R3HDM1: variants seen among roughly 807,000 people sequenced by gnomAD.
R3HDM1 encodes the protein R3H domain-containing protein 1.
A neutral mutation model predicts 141.1 loss-of-function variants in R3HDM1; 46 were observed. That is an observed-to-expected ratio of 0.33 (90% CI 0.26 to 0.42). R3HDM1 has a LOEUF of 0.42. Among genes scored for constraint, R3HDM1 ranks in the 10% least tolerant of loss-of-function variants. The pLI is 1.00. For synonymous variants in R3HDM1, 435 were observed against 472.9 expected, an observed-to-expected ratio of 0.92 and a Z score of 1.04; for missense variants, 1,184 against 1,368.3, an observed-to-expected ratio of 0.87 and a Z score of 2.12.
chr2:135,585,152 C>G (rs992702080), intron 1 of R3HDM1, among the ~76,000 whole-genome samples: 1 of 152,158 alleles, frequency 6.6e-6, no homozygotes. Flanking sequence ...TGTTAGCTGC[C>G]TCATCACCTT....
At chr2:135,541,343 G>C (rs1428348879) in intron 1 of R3HDM1, among the ~76,000 whole-genome samples, 1 of 152,066 alleles carries the variant, frequency 6.6e-6, no homozygotes, top group East Asian at 1.9e-4. Flanking sequence ...GAGTAGCTGG[G>C]ACTACAGGCG....
chr2:135,666,921 T>TA (rs59959578), intron 19 of R3HDM1: 5,552 of 182,092 alleles, frequency 0.03, 10 homozygotes, highest in Non-Finnish European at 0.046. Flanking sequence ...GGCTCATCTT[T>TA]AAAAAAAAAA....
At chr2:135,714,788 C>CAG (rs1158127816) in intron 23 of R3HDM1, among the ~76,000 whole-genome samples, 7 of 150,810 alleles carry the variant, frequency 4.6e-5, no homozygotes, top group Non-Finnish European at 8.9e-5. Context: ...CACACACACA[C>CAG]ACAGAGAAAG....
intron 1 of R3HDM1, among the ~76,000 whole-genome samples, chr2:135,547,111 C>T (rs768004382): frequency 7.6e-4 from 115 of 152,166 alleles, no homozygotes; most frequent in Non-Finnish European, 1.2e-3. Flanking sequence ...AGACACCTAT[C>T]ATATTGTTCA....
intron 21 of R3HDM1, among the ~76,000 whole-genome samples, chr2:135,706,951 C>T (rs1461372931): frequency 6.6e-6 from 1 of 151,908 alleles, no homozygotes; most frequent in African/African-American, 2.4e-5. Flanking sequence ...CCAGTAGGGG[C>T]GGCCGGGCAG....
At chr2:135,657,274 G>A (rs988404606) in intron 18 of R3HDM1, among the ~76,000 whole-genome samples, 1 of 151,718 alleles carries the variant, frequency 6.6e-6, no homozygotes, top group African/African-American at 2.4e-5. Context: ...AGCCAGGTGT[G>A]GTGGCGGGCA....
At chr2:135,609,489 C>T (rs537889805) in intron 3 of R3HDM1, among the ~76,000 whole-genome samples, 1 of 152,292 alleles carries the variant, frequency 6.6e-6, no homozygotes, top group South Asian at 2.1e-4. Flanking sequence ...AATTTTTCTG[C>T]TGCCACACAC....
intron 1 of R3HDM1, chr2:135,536,479 T>A (rs1696150700): frequency 1.1e-6 from 1 of 876,638 alleles, no homozygotes; most frequent in African/African-American, 1.8e-5. Context: ...ACAGCATGTT[T>A]AAATCATGTT....
chr2:135,708,503 T>G (rs1292868755), intron 21 of R3HDM1, among the ~76,000 whole-genome samples: 1 of 152,214 alleles, frequency 6.6e-6, no homozygotes, highest in Admixed American at 6.5e-5. Flanking sequence ...AGACAGCTTT[T>G]TAAAATGACA....
intron 21 of R3HDM1, among the ~76,000 whole-genome samples, chr2:135,686,175 A>G (rs1422823903): frequency 1.3e-5 from 2 of 152,178 alleles, no homozygotes; most frequent in Non-Finnish European, 2.9e-5. Flanking sequence ...GCTATTAAGT[A>G]TTGATAAGGA....
intron 19 of R3HDM1, chr2:135,669,030 A>T (rs1180010156): frequency 1.5e-6 from 1 of 687,466 alleles, no homozygotes; most frequent in African/African-American, 2.0e-5. Flanking sequence ...TCTCCTTCCC[A>T]ATTGTCTTTT....
At chr2:135,689,495 AT>A (rs1186464840) in intron 21 of R3HDM1, among the ~76,000 whole-genome samples, 3 of 152,222 alleles carry the variant, frequency 2.0e-5, no homozygotes, top group African/African-American at 7.2e-5. Context: ...AAGGAATAAG[AT>A]TCCTATAAGA....
intron 2 of R3HDM1, among the ~76,000 whole-genome samples, chr2:135,603,756 A>G (rs948812085): frequency 5.9e-5 from 9 of 152,178 alleles, no homozygotes; most frequent in African/African-American, 2.2e-4. Flanking sequence ...ATAGGCATGC[A>G]CCACCATGCC....
intron 1 of R3HDM1, among the ~76,000 whole-genome samples, chr2:135,567,479 CT>C (rs1372725239): frequency 1.3e-5 from 2 of 152,176 alleles, no homozygotes; most frequent in African/African-American, 4.8e-5. Context: ...GGGCTTACTG[CT>C]TGACCAATGT....
chr2:135,597,744 T>C (rs2059311417), intron 1 of R3HDM1, among the ~76,000 whole-genome samples: 1 of 152,208 alleles, frequency 6.6e-6, no homozygotes, highest in Admixed American at 6.5e-5. Flanking sequence ...ATCAATAATG[T>C]AACTCTTTTT....
rs558860463 is a variant in R3HDM1 at position 135,663,903 on chromosome 2, G to A, written c.2152+2510G>A. On this transcript the variant is annotated intron_variant, in intron 19 of 26. Transcript: ENST00000683871. ...AAAAAAATTAGCCGGGCATGGTGGC[G>A]CACACCTGTAATACCAGCTACTCGG... 2.6e-5 allele frequency among the ~76,000 whole-genome samples: 4 copies of A among 151,960 alleles called. No homozygotes were observed. The South Asian group carries it at 6.2e-4, about 24-fold the overall frequency.
intron 16 of R3HDM1, among the ~76,000 whole-genome samples, chr2:135,648,480 A>G (rs935355494): frequency 3.9e-5 from 6 of 152,118 alleles, no homozygotes; most frequent in African/African-American, 1.4e-4. Context: ...GTCTCTGAAG[A>G]CAACATGCAG....
At chr2:135,611,643 T>C (rs1490124095) in intron 3 of R3HDM1, among the ~76,000 whole-genome samples, 2 of 152,182 alleles carry the variant, frequency 1.3e-5, no homozygotes, top group African/African-American at 2.4e-5. Context: ...TCTGTATCTG[T>C]ATGCTGTATT....
intron 21 of R3HDM1, among the ~76,000 whole-genome samples, chr2:135,699,045 A>AGATAGATT (rs202144929): frequency 0.17 from 21,710 of 129,752 alleles, 2,731 homozygotes; most frequent in Non-Finnish European, 0.22. Context: ...ATAGATAGAT[A>AGATAGATT]AGATAGATAA....
Sources: gnomAD v4.1 joint callset for allele counts (sites outside exome capture counted in the v4.1 genomes callset) on GRCh38, gnomAD v4.1.1 for gene constraint, MANE v1.5 for transcripts, NCBI Gene and HGNC (gene_info 2026-07-23, HGNC 2026-07-21) for gene names.